The following RAB38 variants were observed in gnomAD, a reference collection of about 807,000 sequenced individuals.
The protein encoded by RAB38 is RAB38, member RAS oncogene family, also known as ras-related protein Rab-38.
A neutral mutation model predicts 18.4 loss-of-function variants in RAB38; 15 were observed. The observed-to-expected ratio is 0.82, with a 90% CI of 0.55 to 1.26. RAB38 has a LOEUF of 1.26. Among genes scored for constraint, RAB38 ranks in the 50% most tolerant of loss-of-function variants. The pLI is 0.00. For missense variants in RAB38, 294 were observed against 267.4 expected, an observed-to-expected ratio of 1.10 and a Z score of -0.69; for synonymous variants, 101 against 104.4, an observed-to-expected ratio of 0.97 and a Z score of 0.20.
chr11:88,034,587 A>G, the RAB38 span, among the ~76,000 whole-genome samples: 1 of 152,208 alleles, frequency 6.6e-6, no homozygotes, highest in Non-Finnish European at 1.5e-5. Context: ...TTTGCATGTC[A>G]CTAGTGGCTA....
At chr11:88,071,798 A>C in the RAB38 span, among the ~76,000 whole-genome samples, 1 of 152,196 alleles carries the variant, frequency 6.6e-6, no homozygotes, top group Admixed American at 6.5e-5. Flanking sequence ...GGATGAATTC[A>C]GGAACACCAG....
At chr11:87,911,776 T>G in the RAB38 span, among the ~76,000 whole-genome samples, 1 of 152,036 alleles carries the variant, frequency 6.6e-6, no homozygotes, top group Admixed American at 6.6e-5. Context: ...GATGAGAATA[T>G]GCATGCTTGC....
At chr11:87,923,803 G>A in the RAB38 span, among the ~76,000 whole-genome samples, 1 of 151,680 alleles carries the variant, frequency 6.6e-6, no homozygotes, top group Non-Finnish European at 1.5e-5. Context: ...AATTCTTATG[G>A]GAACACTGTG....
chr11:87,885,221 A>G, the RAB38 span, among the ~76,000 whole-genome samples: 1 of 151,840 alleles, frequency 6.6e-6, no homozygotes, highest in South Asian at 2.1e-4. Context: ...TGCTACACTT[A>G]CCACCCTGAA....
chr11:88,031,080 A>C, the RAB38 span, among the ~76,000 whole-genome samples: 1 of 151,248 alleles, frequency 6.6e-6, no homozygotes, highest in East Asian at 1.9e-4. Context: ...CAATATACAC[A>C]AATCAATAAA....
At chr11:88,173,707 CAGAG>C (rs34410739) in intron 1 of RAB38, 150,001 of 985,092 alleles carry the variant, frequency 0.15, 11,978 homozygotes, top group Admixed American at 0.19. Flanking sequence ...AGAAAGTACA[CAGAG>C]AGAATTTTTT....
the RAB38 span, among the ~76,000 whole-genome samples, chr11:87,836,112 G>A: frequency 6.6e-6 from 1 of 152,124 alleles, no homozygotes; most frequent in Non-Finnish European, 1.5e-5. Flanking sequence ...GAATGCTAAT[G>A]AGCAGATTCT....
chr11:88,030,621 A>G, the RAB38 span, among the ~76,000 whole-genome samples: 1 of 152,238 alleles, frequency 6.6e-6, no homozygotes, highest in African/African-American at 2.4e-5. Flanking sequence ...TAAACTAGAA[A>G]ATCTAGATGA....
At chr11:87,965,949 A>G in the RAB38 span, among the ~76,000 whole-genome samples, 3 of 152,200 alleles carry the variant, frequency 2.0e-5, no homozygotes, top group Admixed American at 2.0e-4. Context: ...AATGTTATGT[A>G]TCTGCTTATT....
the RAB38 span, among the ~76,000 whole-genome samples, chr11:87,809,382 A>T: frequency 1.3e-5 from 2 of 152,220 alleles, no homozygotes; most frequent in Admixed American, 1.3e-4. Context: ...TTCAAATGTG[A>T]TAGACAGGAA....
At chr11:88,022,930 T>C in the RAB38 span, among the ~76,000 whole-genome samples, 30 of 152,254 alleles carry the variant, frequency 2.0e-4, no homozygotes, top group Non-Finnish European at 2.8e-4. Context: ...TGTCCTCACT[T>C]ATAAGTGGGA....
chr11:87,897,725 C>G, the RAB38 span, among the ~76,000 whole-genome samples: 18 of 151,620 alleles, frequency 1.2e-4, no homozygotes, highest in African/African-American at 3.4e-4. Flanking sequence ...GGCAAAACCA[C>G]CATTACAGGA....
the RAB38 span, among the ~76,000 whole-genome samples, chr11:87,849,083 C>A: frequency 2.6e-5 from 4 of 152,154 alleles, no homozygotes; most frequent in South Asian, 8.3e-4. Context: ...TGGATTCCTC[C>A]CAGCAAACCA....
chr11:88,066,386 G>A, the RAB38 span, among the ~76,000 whole-genome samples: 2 of 152,074 alleles, frequency 1.3e-5, no homozygotes, highest in African/African-American at 2.4e-5. Flanking sequence ...GGATAGATAC[G>A]TTTTCTGCGT....
the RAB38 span, among the ~76,000 whole-genome samples, chr11:87,950,912 C>G: frequency 6.6e-6 from 1 of 152,086 alleles, no homozygotes; most frequent in Non-Finnish European, 1.5e-5. Context: ...CTCTGTATTT[C>G]CTGAATCTGA....
chr11:87,946,568 G>A, the RAB38 span, among the ~76,000 whole-genome samples: 2 of 151,924 alleles, frequency 1.3e-5, no homozygotes, highest in Non-Finnish European at 2.9e-5. Flanking sequence ...AGTCCCCGGT[G>A]TGTGATGTTC....
At chr11:87,914,194 A>T in the RAB38 span, among the ~76,000 whole-genome samples, 2 of 152,138 alleles carry the variant, frequency 1.3e-5, no homozygotes, top group African/African-American at 4.8e-5. Flanking sequence ...ACACAAAAAA[A>T]AGAGGGAAAA....
chr11:88,105,721 C>T, the RAB38 span, among the ~76,000 whole-genome samples: 3 of 152,106 alleles, frequency 2.0e-5, no homozygotes, highest in African/African-American at 7.2e-5. Context: ...CATAGTTCAG[C>T]TTGGATCACA....
At chr11:87,819,809 T>C in the RAB38 span, among the ~76,000 whole-genome samples, 14 of 149,612 alleles carry the variant, frequency 9.4e-5, no homozygotes, top group African/African-American at 3.4e-4. Flanking sequence ...TGTATATATA[T>C]ATATATCCAT....
Sources: gnomAD v4.1 joint callset for allele counts (sites outside exome capture counted in the v4.1 genomes callset) on GRCh38, gnomAD v4.1.1 for gene constraint, MANE v1.5 for transcripts, NCBI Gene and HGNC (gene_info 2026-07-23, HGNC 2026-07-21) for gene names.